Variants in CTNNA3 observed in about 807,000 individuals in gnomAD.
The protein encoded by CTNNA3 is catenin alpha 3.
CTNNA3 carries 76 observed loss-of-function variants against 95.7 expected under a neutral mutation model. The ratio of observed to expected loss-of-function variants is 0.79; its 90% confidence interval spans 0.66 to 0.96. The LOEUF is 0.96. Ranked by LOEUF, CTNNA3 falls within the 40% of genes least tolerant of loss-of-function variation. The pLI is 0.00. For missense variants in CTNNA3, 1,191 were observed against 1,089.8 expected (o/e 1.09, Z -1.31); for synonymous variants, 431 against 374.4 (o/e 1.15, Z -1.74).
chr10:66,905,686 T>TA (rs1199909220), intron 7 of CTNNA3, among the ~76,000 whole-genome samples: 1 of 152,110 alleles, frequency 6.6e-6, no homozygotes, highest in Non-Finnish European at 1.5e-5. Flanking sequence ...GTGTTTGGCC[T>TA]AAAAACAGAA....
chr10:65,975,470 T>C (rs760161596), intron 16 of CTNNA3, among the ~76,000 whole-genome samples: 6 of 152,106 alleles, frequency 3.9e-5, no homozygotes, highest in Non-Finnish European at 8.8e-5. Flanking sequence ...CATTTAGCTC[T>C]TACTATGTGC....
At chr10:66,894,180 C>T (rs1845384300) in intron 7 of CTNNA3, among the ~76,000 whole-genome samples, 1 of 151,914 alleles carries the variant, frequency 6.6e-6, no homozygotes, top group Non-Finnish European at 1.5e-5. Context: ...GTAATTTATA[C>T]ACGTTAATTT....
At chr10:66,746,113 G>A (rs752989765) in intron 9 of CTNNA3, among the ~76,000 whole-genome samples, 52 of 152,018 alleles carry the variant, frequency 3.4e-4, no homozygotes, top group Non-Finnish European at 5.6e-4. Flanking sequence ...CAAACTAGAA[G>A]GTCTGTTAAG....
intron 11 of CTNNA3, among the ~76,000 whole-genome samples, chr10:66,403,187 T>C (rs943106116): frequency 6.6e-6 from 1 of 152,174 alleles, no homozygotes; most frequent in African/African-American, 2.4e-5. Flanking sequence ...GACAACCTTG[T>C]GTGCAAGCCA....
chr10:67,683,069 G>C (rs1029257288), intron 1 of CTNNA3, among the ~76,000 whole-genome samples: 1 of 152,174 alleles, frequency 6.6e-6, no homozygotes, highest in Non-Finnish European at 1.5e-5. Context: ...AGAATACATG[G>C]ATATTGCATA....
chr10:67,322,473 G>A (rs1401407870), intron 5 of CTNNA3, among the ~76,000 whole-genome samples: 1 of 152,152 alleles, frequency 6.6e-6, no homozygotes, highest in Non-Finnish European at 1.5e-5. Flanking sequence ...GAGAACATGT[G>A]GTATTTGGTT....
intron 1 of CTNNA3, among the ~76,000 whole-genome samples, chr10:67,689,389 C>T (rs1444818100): frequency 3.9e-5 from 6 of 151,962 alleles, no homozygotes; most frequent in Admixed American, 6.6e-5. Context: ...TTGGTGAGCC[C>T]GGGTGCCTAA....
chr10:65,994,829 G>A (rs2078620629), intron 15 of CTNNA3, among the ~76,000 whole-genome samples: 1 of 152,014 alleles, frequency 6.6e-6, no homozygotes, highest in African/African-American at 2.4e-5. Context: ...TTGTTACACA[G>A]GATTTGTACA....
At chr10:67,707,339 C>A (rs1399111800) in intron 1 of CTNNA3, among the ~76,000 whole-genome samples, 1 of 152,084 alleles carries the variant, frequency 6.6e-6, no homozygotes, top group Non-Finnish European at 1.5e-5. Context: ...CATTCTTTCC[C>A]CTTGACTCAA....
intron 12 of CTNNA3, among the ~76,000 whole-genome samples, chr10:66,314,845 A>T (rs548868148): frequency 6.6e-6 from 1 of 152,204 alleles, no homozygotes; most frequent in East Asian, 1.9e-4. Flanking sequence ...AACAGTAAAA[A>T]TCCAGTTTTA....
chr10:66,862,173 C>T (rs1843962714), intron 7 of CTNNA3, among the ~76,000 whole-genome samples: 1 of 152,066 alleles, frequency 6.6e-6, no homozygotes, highest in African/African-American at 2.4e-5. Context: ...GAGATCACGC[C>T]ACTGCACTCC....
At chr10:67,223,672 A>G (rs1247118146) in intron 5 of CTNNA3, among the ~76,000 whole-genome samples, 1 of 152,230 alleles carries the variant, frequency 6.6e-6, no homozygotes, top group Non-Finnish European at 1.5e-5. Flanking sequence ...TATTATTTTA[A>G]AAAATACAAG....
chr10:66,767,005 T>A (rs1454434213), intron 8 of CTNNA3, among the ~76,000 whole-genome samples: 2 of 152,214 alleles, frequency 1.3e-5, no homozygotes, highest in African/African-American at 4.8e-5. Flanking sequence ...ACTATAACAT[T>A]CTGCTACAAT....
intron 15 of CTNNA3, among the ~76,000 whole-genome samples, chr10:66,051,963 A>C (rs748096335): frequency 1.3e-5 from 2 of 152,212 alleles, no homozygotes; most frequent in Admixed American, 6.5e-5. Flanking sequence ...GCCCCACAAT[A>C]ATGAAATTGT....
chr10:66,602,702 T>C (rs1843972629), intron 10 of CTNNA3, among the ~76,000 whole-genome samples: 1 of 151,904 alleles, frequency 6.6e-6, no homozygotes, highest in Non-Finnish European at 1.5e-5. Flanking sequence ...TTCAACAAAA[T>C]ATTAGCAAAC....
intron 9 of CTNNA3, among the ~76,000 whole-genome samples, chr10:66,701,275 G>A (rs1440027422): frequency 6.6e-6 from 1 of 152,216 alleles, no homozygotes; most frequent in East Asian, 1.9e-4. Context: ...TTTATAATGA[G>A]TTTTGAAATC....
At chr10:67,708,058 T>C (rs1407058963) in intron 1 of CTNNA3, among the ~76,000 whole-genome samples, 1 of 152,202 alleles carries the variant, frequency 6.6e-6, no homozygotes, top group Non-Finnish European at 1.5e-5. Flanking sequence ...GTTTTCAGTC[T>C]CATTTTAACT....
chr10:66,551,764 T>G (rs1049713107), intron 10 of CTNNA3, among the ~76,000 whole-genome samples: 4 of 152,098 alleles, frequency 2.6e-5, no homozygotes, highest in African/African-American at 9.7e-5. Flanking sequence ...CTGAGAATGA[T>G]AGGGATTAAA....
intron 7 of CTNNA3, among the ~76,000 whole-genome samples, chr10:67,101,959 AAG>A (rs1218497245): frequency 2.9e-5 from 1 of 34,938 alleles, no homozygotes; most frequent in Non-Finnish European, 5.0e-5. Context: ...GAGCATGCGA[AAG>A]AAGAAGTTAT....
Sources: gnomAD v4.1 joint callset for allele counts (sites outside exome capture counted in the v4.1 genomes callset) on GRCh38, gnomAD v4.1.1 for gene constraint, MANE v1.5 for transcripts, NCBI Gene and HGNC (gene_info 2026-07-23, HGNC 2026-07-21) for gene names.